Variants in SEC63 observed in about 807,000 individuals in gnomAD.
SEC63 encodes translocation protein SEC63 homolog.
Under a neutral mutation model 116.2 loss-of-function variants are expected in SEC63, and 56 were observed. The ratio of observed to expected loss-of-function variants is 0.48; its 90% confidence interval spans 0.39 to 0.60. The LOEUF is 0.60. Ranked by LOEUF, SEC63 falls within the 20% of genes least tolerant of loss-of-function variation. SEC63 has a pLI of 0.00. For missense variants in SEC63, 668 were observed against 900.0 expected (o/e 0.74, Z 3.30); for synonymous variants, 273 against 294.6 (o/e 0.93, Z 0.75).
At chr6:107,929,324 C>A in intron 2 of SEC63, 91 bp downstream of exon 2, 1 of 720,052 alleles carries the variant, frequency 1.4e-6, no homozygotes, top group East Asian at 2.5e-5. Flanking sequence ...TTTACAGACA[C>A]AATGACTTAT....
chr6:107,934,207 C>T (rs560183352), intron 1 of SEC63, among the ~76,000 whole-genome samples: 1 of 151,252 alleles, frequency 6.6e-6, no homozygotes, highest in African/African-American at 2.4e-5. Flanking sequence ...AGGAGCCCCT[C>T]TGCCTGGCTG....
chr6:107,892,548 C>T (rs373041697), intron 16 of SEC63, among the ~76,000 whole-genome samples: 3 of 151,838 alleles, frequency 2.0e-5, no homozygotes, highest in East Asian at 3.9e-4. Flanking sequence ...GATGACCTCA[C>T]TGACGAAAAA....
chr6:107,945,435 C>A (rs923086343), intron 1 of SEC63, among the ~76,000 whole-genome samples: 1 of 151,224 alleles, frequency 6.6e-6, no homozygotes, highest in Non-Finnish European at 1.5e-5. Flanking sequence ...GCCTCCCGAG[C>A]AGCTGGGACT....
chr6:107,887,627 T>C (rs1038282588), intron 16 of SEC63, among the ~76,000 whole-genome samples: 14 of 151,564 alleles, frequency 9.2e-5, no homozygotes, highest in African/African-American at 1.5e-4. Context: ...AGGGATAGCA[T>C]TGGGAAATAT....
intron 17 of SEC63, among the ~76,000 whole-genome samples, chr6:107,882,214 T>C (rs1444473315): frequency 6.6e-6 from 1 of 152,142 alleles, no homozygotes; most frequent in African/African-American, 2.4e-5. Context: ...TTTTTTGGCC[T>C]CTCCTTTTGC....
chr6:107,955,008 G>C (rs960756849), intron 1 of SEC63, among the ~76,000 whole-genome samples: 1 of 152,178 alleles, frequency 6.6e-6, no homozygotes, highest in Non-Finnish European at 1.5e-5. Flanking sequence ...CAGAGAGCCG[G>C]ATGTAAAACG....
intron 2 of SEC63, among the ~76,000 whole-genome samples, chr6:107,928,457 C>T (rs1171241784): frequency 6.6e-6 from 1 of 150,972 alleles, no homozygotes; most frequent in Non-Finnish European, 1.5e-5. Flanking sequence ...CCACTGCACT[C>T]CAGCCTGGGC....
intron 2 of SEC63, among the ~76,000 whole-genome samples, chr6:107,927,112 G>A (rs1334830436): frequency 6.6e-6 from 1 of 151,994 alleles, no homozygotes. Context: ...ACCCAGGCTG[G>A]AGTGCAGTGG....
At chr6:107,898,039 C>T (rs574175886) in intron 13 of SEC63, among the ~76,000 whole-genome samples, 3 of 151,994 alleles carry the variant, frequency 2.0e-5, no homozygotes, top group Admixed American at 1.3e-4. Flanking sequence ...CCAAGGTAGG[C>T]GGATGGCATG....
At chr6:107,956,632 A>C (rs1210934580) in intron 1 of SEC63, among the ~76,000 whole-genome samples, 1 of 152,244 alleles carries the variant, frequency 6.6e-6, no homozygotes, top group Non-Finnish European at 1.5e-5. Context: ...ACTTATTGTC[A>C]AACGTACAAA....
At chr6:107,957,602 G>A (rs1031607350) in intron 1 of SEC63, 6 of 258,036 alleles carry the variant, frequency 2.3e-5, no homozygotes, top group Non-Finnish European at 3.6e-5. Context: ...AAAAGCAAAG[G>A]CAGAGAAGAC....
At chr6:107,905,850 A>G (rs990708953) in intron 10 of SEC63, among the ~76,000 whole-genome samples, 2 of 59,572 alleles carry the variant, frequency 3.4e-5, no homozygotes, top group African/African-American at 7.2e-5. Flanking sequence ...ACACTTGCCA[A>G]AACGTCTGAC....
intron 4 of SEC63, among the ~76,000 whole-genome samples, chr6:107,920,270 A>G (rs962668749): frequency 6.6e-6 from 1 of 151,706 alleles, no homozygotes; most frequent in Admixed American, 6.6e-5. Flanking sequence ...AAAAATACAA[A>G]AAAACATTAG....
At chr6:107,923,396 G>C (rs866273072) in intron 3 of SEC63, among the ~76,000 whole-genome samples, 4 of 152,246 alleles carry the variant, frequency 2.6e-5, no homozygotes, top group Admixed American at 6.5e-5. Flanking sequence ...TTATAGGCAC[G>C]AGCCACTGCG....
intron 1 of SEC63, among the ~76,000 whole-genome samples, chr6:107,943,638 G>T (rs1362041848): frequency 6.6e-6 from 1 of 152,222 alleles, no homozygotes; most frequent in African/African-American, 2.4e-5. Flanking sequence ...GAAGCTCAGG[G>T]AAGATGGCAT....
At chr6:107,894,025 G>A in intron 14 of SEC63, 128 bp from the exon 15 acceptor site, 2 of 986,562 alleles carry the variant, frequency 2.0e-6, no homozygotes, top group Non-Finnish European at 3.1e-6. Context: ...CAAAGAAGGA[G>A]ACGTTTAGCA....
chr6:107,921,482 A>T (rs1787554804), intron 4 of SEC63, among the ~76,000 whole-genome samples: 1 of 150,628 alleles, frequency 6.6e-6, no homozygotes, highest in South Asian at 2.1e-4. Flanking sequence ...GAGATGGAGT[A>T]TTACTGTCAT....
In SEC63 at chr6:107,904,630, T is replaced by TATATTTCCACC; in HGVS notation, c.1052_1053insGGTGGAAATAT (p.Glu352ValfsTer4). On this transcript the variant is annotated frameshift_variant and splice_region_variant, in exon 11 of 21. Coordinates refer to ENST00000369002, the MANE Select transcript of SEC63 (RefSeq NM_007214.5). LOFTEE classifies it high-confidence loss of function. ...TAATTAACTATATTTCCTCCTCACC[T>TATATTTCCACC]TCACGGTTCCGGGCCATTACTATTA... 6.2e-7 allele frequency: 1 copy of TATATTTCCACC among 1,604,074 alleles called. No individual in the cohort carries two copies. Among genetic ancestry groups the TATATTTCCACC allele is most frequent in the Non-Finnish European group, 8.5e-7 (1 of 1,170,806 alleles).
Position 107,876,670 on chromosome 6 carries a change from CAAAAAA to C in SEC63, c.1936-14_1936-9del, listed in dbSNP as rs749125299. 265 of 760,078 alleles carry C rather than the reference CAAAAAA, an allele frequency of 3.5e-4. No individual in the cohort carries two copies. Among genetic ancestry groups the C allele is most frequent in the African/African-American group, 6.6e-4 (30 of 45,190 alleles). The allele number at this position is 760,078 out of a possible 1,614,324, so 47.1% of individuals were successfully genotyped here. ...CCACCATTCTTGTTTTTCCTGGAAA[CAAAAAA>C]AAAAAAAAAAAAAGAAGAGGGGTAT... On this transcript the variant is annotated splice_polypyrimidine_tract_variant and intron_variant, in intron 18 of 20. Transcript: ENST00000369002.
Sources: allele counts gnomAD v4.1 joint callset (sites outside exome capture counted in the v4.1 genomes callset), GRCh38; gene constraint gnomAD v4.1.1; transcripts MANE v1.5; gene names NCBI Gene and HGNC (gene_info 2026-07-23, HGNC 2026-07-21).